PHLPP1: variants seen among roughly 807,000 people sequenced by gnomAD.
The protein encoded by PHLPP1 is PH domain leucine-rich repeat-containing protein phosphatase 1.
Under a neutral mutation model 117.2 loss-of-function variants are expected in PHLPP1, and 42 were observed. The observed-to-expected ratio is 0.36, with a 90% CI of 0.28 to 0.46. The LOEUF is 0.46. PHLPP1 is among the 20% of genes least tolerant of loss of function. PHLPP1 has a pLI of 1.00. For missense variants in PHLPP1, 2,084 were observed against 2,241.9 expected (o/e 0.93, Z 1.42); for synonymous variants, 1,042 against 970.7 (o/e 1.07, Z -1.37).
At chr18:62,832,920 A>G (rs1914794926) in intron 2 of PHLPP1, among the ~76,000 whole-genome samples, 1 of 152,190 alleles carries the variant, frequency 6.6e-6, no homozygotes, top group African/African-American at 2.4e-5. Context: ...CCACGTGAGC[A>G]TGGTCATTAC....
At chr18:62,723,664 T>G (rs1271194180) in intron 1 of PHLPP1, among the ~76,000 whole-genome samples, 2 of 152,120 alleles carry the variant, frequency 1.3e-5, no homozygotes, top group Admixed American at 6.6e-5. Flanking sequence ...AGAGCTTGGC[T>G]GGTGTGTTGG....
chr18:62,728,015 G>A (rs1443048787), intron 1 of PHLPP1, among the ~76,000 whole-genome samples: 1 of 152,012 alleles, frequency 6.6e-6, no homozygotes, highest in Admixed American at 6.6e-5. Flanking sequence ...GGCCAGGTGC[G>A]GTGGCTCACG....
At chr18:62,760,501 C>T (rs1279730755) in intron 1 of PHLPP1, among the ~76,000 whole-genome samples, 1 of 152,284 alleles carries the variant, frequency 6.6e-6, no homozygotes, top group East Asian at 1.9e-4. Flanking sequence ...GTTTTGGCAG[C>T]CAGGTAGAAT....
chr18:62,848,337 A>G (rs909814433), intron 3 of PHLPP1, among the ~76,000 whole-genome samples: 9 of 152,292 alleles, frequency 5.9e-5, no homozygotes, highest in African/African-American at 2.2e-4. Flanking sequence ...AATAATGCAC[A>G]TAGTAATAAC....
chr18:62,783,082 G>T (rs543046981), intron 1 of PHLPP1, among the ~76,000 whole-genome samples: 8 of 148,394 alleles, frequency 5.4e-5, no homozygotes, highest in Non-Finnish European at 1.0e-4. Flanking sequence ...CCAGAAGATA[G>T]AAATGATACC....
At chr18:62,927,024 G>A (rs1474139751) in intron 10 of PHLPP1, among the ~76,000 whole-genome samples, 1 of 152,060 alleles carries the variant, frequency 6.6e-6, no homozygotes, top group Non-Finnish European at 1.5e-5. Context: ...CCTAAGTTTA[G>A]GTATAAGTAA....
chr18:62,926,552 G>A (rs918776287), intron 10 of PHLPP1, among the ~76,000 whole-genome samples: 3 of 152,102 alleles, frequency 2.0e-5, no homozygotes, highest in South Asian at 2.1e-4. Context: ...AGGGGTGTGC[G>A]TATCCCCAGA....
chr18:62,818,714 TA>T (rs1227625119), intron 1 of PHLPP1, among the ~76,000 whole-genome samples: 1 of 152,138 alleles, frequency 6.6e-6, no homozygotes, highest in African/African-American at 2.4e-5. Flanking sequence ...ATAATAAATA[TA>T]AAAGACTTAT....
rs140623898 is a variant in PHLPP1, at chr18:62,742,620, G to C, written c.1576+25361G>C. Among the ~76,000 whole-genome samples, 827 of 152,294 alleles carry C rather than the reference G, an allele frequency of 5.4e-3. 11 individuals are homozygous for C. The highest frequency in any genetic ancestry group is 0.019 in the African/African-American group (788 of 41,560). ...CTGGCTAATTTTTGTATTTTCAGTAGAGACGGGGTTTCACCGTGTTGGTCA... is the reference window on the plus strand; with the variant it reads ...CTGGCTAATTTTTGTATTTTCAGTACAGACGGGGTTTCACCGTGTTGGTCA... On this transcript the variant is annotated intron_variant, in intron 1 of 16. Coordinates refer to ENST00000262719, the MANE Select transcript of PHLPP1 (RefSeq NM_194449.4).
intron 1 of PHLPP1, among the ~76,000 whole-genome samples, chr18:62,782,811 T>C (rs1913155803): frequency 6.6e-6 from 1 of 152,208 alleles, no homozygotes; most frequent in African/African-American, 2.4e-5. Flanking sequence ...AAAGATGGCA[T>C]AGCAAAAGGC....
intron 1 of PHLPP1, among the ~76,000 whole-genome samples, chr18:62,820,388 A>G (rs1050074117): frequency 2.0e-5 from 3 of 152,346 alleles, no homozygotes; most frequent in Admixed American, 1.3e-4. Context: ...CAAAATACAC[A>G]TTCTTTTCAA....
In PHLPP1 at chr18:62,978,681, C is replaced by T. The variant is rs1241125127; in HGVS notation, c.4404C>T (p.Ser1468=). 3 of 1,613,890 alleles carry T rather than the reference C, an allele frequency of 1.9e-6. No homozygotes were observed. Among genetic ancestry groups the T allele is most frequent in the African/African-American group, 1.3e-5 (1 of 75,012 alleles). ...DRPSDGLGVP[S]SSSGMASEIS... ...CCTCAGATGGGCTGGGCGTGCCGTC[C>T]TCCAGCAGCGGCATGGCTTCCGAGA... Residue 1468 remains serine, a synonymous_variant, in exon 17 of 17, where the codon TCC becomes TCT. Coordinates refer to ENST00000262719, the MANE Select transcript of PHLPP1 (RefSeq NM_194449.4). This position sits in a 1 kb window ranked among gnomAD's most constrained non-coding sequence, Gnocchi z 7.0.
intron 1 of PHLPP1, among the ~76,000 whole-genome samples, chr18:62,829,772 TCTAGTTA>T: frequency 6.6e-6 from 1 of 152,042 alleles, no homozygotes; most frequent in African/African-American, 2.4e-5. Context: ...AAAAGAAACC[TCTAGTTA>T]AAACAAAGAG....
chr18:62,863,405 T>C (rs550387736), intron 4 of PHLPP1, among the ~76,000 whole-genome samples: 2 of 152,264 alleles, frequency 1.3e-5, no homozygotes, highest in Non-Finnish European at 2.9e-5. Flanking sequence ...GGTTTCACCA[T>C]GTTGCCAGGC....
At chr18:62,839,329 T>TAGGGGAGAATAAAG (rs1914994162) in intron 3 of PHLPP1, 1 of 158,200 alleles carries the variant, frequency 6.3e-6, no homozygotes, top group Non-Finnish European at 1.4e-5. Flanking sequence ...CCTTCACCTT[T>TAGGGGAGAATAAAG]ATTCTGCCTT....
chr18:62,968,861 A>C (rs1164576045), intron 14 of PHLPP1, among the ~76,000 whole-genome samples: 1 of 151,986 alleles, frequency 6.6e-6, no homozygotes, highest in Non-Finnish European at 1.5e-5. Context: ...AATCTGTAGA[A>C]TCTGTAGAGA....
At position 62,828,317 on chromosome 18, in the gene PHLPP1, G is replaced by A. The variant is rs576203215; in HGVS notation, c.1577-1718G>A. On this transcript the variant is annotated intron_variant, in intron 1 of 16. Coordinates refer to ENST00000262719, the MANE Select transcript of PHLPP1 (RefSeq NM_194449.4). ...GAATCACTGTGTCTGATCCATCATT[G>A]GCAGCCCTTGGCCTGTCACATCTCA... is the stretch of plus-strand genomic sequence containing the variant. Among the ~76,000 whole-genome samples the A allele has an allele frequency of 2.0e-5, 3 of 152,164 alleles. No homozygotes were observed. The East Asian group carries it at 5.8e-4, about 29-fold the overall frequency.
chr18:62,893,928 G>A (rs145102353), intron 4 of PHLPP1, among the ~76,000 whole-genome samples: 51 of 152,268 alleles, frequency 3.3e-4, no homozygotes, highest in African/African-American at 1.2e-3. Flanking sequence ...GTTTGGGGCT[G>A]GAAATGTGGG....
In PHLPP1 at chr18:62,776,630, G is replaced by A. The variant is rs142025761; in HGVS notation, c.1577-53405G>A. ...GAGTGTTTTTTTTTTTTTTTTCTGG[G>A]ACGGAGTCTCACTCTGTGGCCCAGG... On this transcript the variant is annotated intron_variant, in intron 1 of 16. Transcript: ENST00000262719. 2.1e-3 allele frequency among the ~76,000 whole-genome samples: 309 copies of A among 149,556 alleles called. 1 individual carries two copies. The highest frequency in any genetic ancestry group is 7.2e-3 in the African/African-American group (292 of 40,686).
Sources: allele counts gnomAD v4.1 joint callset (sites outside exome capture counted in the v4.1 genomes callset), GRCh38; gene constraint gnomAD v4.1.1; non-coding constraint Gnocchi (gnomAD v3.1); transcripts MANE v1.5; gene names NCBI Gene and HGNC (gene_info 2026-07-23, HGNC 2026-07-21).